The following PPM1L variants were observed in gnomAD, a reference collection of about 807,000 sequenced individuals.
PPM1L encodes the protein protein phosphatase, Mg2+/Mn2+ dependent 1L, also known as protein phosphatase 1L.
Under a neutral mutation model 31.4 loss-of-function variants are expected in PPM1L, and 13 were observed. That is an observed-to-expected ratio of 0.41 (90% confidence interval 0.27 to 0.66). The LOEUF is 0.66. Ranked by LOEUF, PPM1L falls within the 30% of genes least tolerant of loss-of-function variation. PPM1L has a pLI of 0.29. For synonymous variants in PPM1L, 184 were observed against 175.4 expected (o/e 1.05, Z -0.39); for missense variants, 326 against 453.7 (o/e 0.72, Z 2.56).
intron 1 of PPM1L, among the ~76,000 whole-genome samples, chr3:160,836,639 T>G (rs1713725066): frequency 6.6e-6 from 1 of 152,260 alleles, no homozygotes; most frequent in Non-Finnish European, 1.5e-5. Flanking sequence ...TCTAGGTCCC[T>G]GTAGTTCCTG....
At chr3:160,840,809 G>A (rs1713853681) in intron 1 of PPM1L, among the ~76,000 whole-genome samples, 1 of 151,672 alleles carries the variant, frequency 6.6e-6, no homozygotes, top group African/African-American at 2.4e-5. Flanking sequence ...GAGAAAGAGA[G>A]AGAAGGAGAG....
At chr3:160,862,712 GA>G (rs147264886) in intron 1 of PPM1L, among the ~76,000 whole-genome samples, 6,508 of 131,886 alleles carry the variant, frequency 0.049, 440 homozygotes, top group African/African-American at 0.16. Context: ...ACAAAATTCT[GA>G]AACCCTAATA....
At chr3:160,917,457 G>A (rs886603860) in intron 1 of PPM1L, among the ~76,000 whole-genome samples, 3 of 152,036 alleles carry the variant, frequency 2.0e-5, no homozygotes, top group Non-Finnish European at 4.4e-5. Context: ...ATCAGTGTAC[G>A]GTAAGCAAAG....
At chr3:160,803,458 G>A (rs1157368378) in intron 1 of PPM1L, among the ~76,000 whole-genome samples, 8 of 124,338 alleles carry the variant, frequency 6.4e-5, no homozygotes, top group African/African-American at 3.2e-4. Flanking sequence ...ACAATGAAAA[G>A]TGTTCATACT....
At chr3:160,874,102 G>A (rs540942329) in intron 1 of PPM1L, among the ~76,000 whole-genome samples, 3 of 152,230 alleles carry the variant, frequency 2.0e-5, no homozygotes, top group East Asian at 3.9e-4. Flanking sequence ...TGTGGGAGGC[G>A]GGGTTCCTTT....
At chr3:160,986,102 T>C (rs970435601) in intron 2 of PPM1L, among the ~76,000 whole-genome samples, 12 of 152,206 alleles carry the variant, frequency 7.9e-5, no homozygotes, top group African/African-American at 2.2e-4. Context: ...ATAATAAAAC[T>C]GTCTTCTTTC....
chr3:161,006,619 C>A (rs1460563423), intron 2 of PPM1L, among the ~76,000 whole-genome samples: 1 of 151,192 alleles, frequency 6.6e-6, no homozygotes, highest in Non-Finnish European at 1.5e-5. Flanking sequence ...TTTCTTTTCC[C>A]TTTACTCTGG....
chr3:160,975,636 T>C (rs1426070949), intron 2 of PPM1L, among the ~76,000 whole-genome samples: 1 of 152,190 alleles, frequency 6.6e-6, no homozygotes, highest in Non-Finnish European at 1.5e-5. Flanking sequence ...TTTGAAGCAA[T>C]TGTGAATGAG....
rs561658358 is a variant in PPM1L at position 161,071,426 on chromosome 3, A to C, written c.*2269A>C. 1.3e-5 allele frequency: 2 copies of C among 152,378 alleles called. No individual in the cohort carries two copies. Among genetic ancestry groups the C allele is most frequent in the Admixed American group, 6.5e-5 (1 of 15,302 alleles). The allele number at this position is 152,378 out of a possible 1,614,324, so 9.4% of individuals were successfully genotyped here. On this transcript the variant is annotated 3_prime_UTR_variant, in exon 4 of 4. Transcript: ENST00000498165. ...CTACTAAATTAGTAAATCAGTGGTT[A>C]CGTGCCCTGCAGAATTTCTTAACAG...
At chr3:160,943,171 T>G (rs1576729882) in intron 1 of PPM1L, among the ~76,000 whole-genome samples, 1 of 152,146 alleles carries the variant, frequency 6.6e-6, no homozygotes, top group South Asian at 2.1e-4. Context: ...CTCACAGCGA[T>G]CAGGGTAATG....
intron 1 of PPM1L, among the ~76,000 whole-genome samples, chr3:160,807,762 T>G (rs1283030952): frequency 6.6e-6 from 1 of 151,816 alleles, no homozygotes; most frequent in South Asian, 2.1e-4. Context: ...GGATTGCTTT[T>G]ATTTTGGAGA....
At chr3:160,997,188 C>T (rs1252972904) in intron 2 of PPM1L, among the ~76,000 whole-genome samples, 1 of 151,974 alleles carries the variant, frequency 6.6e-6, no homozygotes, top group Non-Finnish European at 1.5e-5. Context: ...TGGACTGTGA[C>T]AATGTCAGTG....
At chr3:161,022,444 T>C in intron 2 of PPM1L, 1 of 295,004 alleles carries the variant, frequency 3.4e-6, no homozygotes, top group Non-Finnish European at 6.1e-6. Flanking sequence ...TAAATTAAAA[T>C]CCTGCTTCTG....
At chr3:160,908,873 G>A (rs1045153909) in intron 1 of PPM1L, among the ~76,000 whole-genome samples, 1 of 152,168 alleles carries the variant, frequency 6.6e-6, no homozygotes, top group African/African-American at 2.4e-5. Flanking sequence ...TTATGGTAGA[G>A]GAGAGGAGAA....
intron 1 of PPM1L, among the ~76,000 whole-genome samples, chr3:160,928,546 A>G (rs1366139450): frequency 1.3e-5 from 2 of 152,242 alleles, no homozygotes; most frequent in Admixed American, 1.3e-4. Context: ...TGGAGAGAAT[A>G]TGATAGCATA....
At chr3:160,940,149 A>G (rs1449882957) in intron 1 of PPM1L, among the ~76,000 whole-genome samples, 1 of 152,236 alleles carries the variant, frequency 6.6e-6, no homozygotes, top group Non-Finnish European at 1.5e-5. Context: ...GATTTAGGGT[A>G]TCTGGCAGAA....
At position 160,801,128 on chromosome 3, in the gene PPM1L, T is replaced by TACAC. The variant is rs10575984; in HGVS notation, c.399+44456_399+44459dup. 5.8e-3 allele frequency among the ~76,000 whole-genome samples: 850 copies of TACAC among 145,674 alleles called. 4 individuals are homozygous for TACAC. The highest frequency in any genetic ancestry group is 6.9e-3 in the South Asian group (31 of 4,482). On this transcript the variant is annotated intron_variant, in intron 1 of 3. Transcript: ENST00000498165. Reference sequence around the variant, plus strand: ...GTAAGGTTTACTAAATGTTTAGTGATACACACACACACACACACACACACA... The same window carrying TACAC: ...GTAAGGTTTACTAAATGTTTAGTGATACACACACACACACACACACACACACACA...
chr3:161,040,380 G>C (rs187342973), intron 2 of PPM1L, among the ~76,000 whole-genome samples: 1 of 152,068 alleles, frequency 6.6e-6, no homozygotes, highest in Non-Finnish European at 1.5e-5. Context: ...CCATTGTATC[G>C]AGGGACTGAT....
intron 1 of PPM1L, among the ~76,000 whole-genome samples, chr3:160,951,213 C>T (rs1396725513): frequency 6.6e-6 from 1 of 152,164 alleles, no homozygotes; most frequent in African/African-American, 2.4e-5. Context: ...TGCCATCCCT[C>T]AGGGGAACAT....
Sources: allele counts gnomAD v4.1 joint callset (sites outside exome capture counted in the v4.1 genomes callset), GRCh38; gene constraint gnomAD v4.1.1; transcripts MANE v1.5; gene names NCBI Gene and HGNC (gene_info 2026-07-23, HGNC 2026-07-21).